SORCS1: variants seen among roughly 807,000 people sequenced by gnomAD.
SORCS1 encodes the protein sortilin related VPS10 domain containing receptor 1, also known as VPS10 domain-containing receptor SorCS1.
A neutral mutation model predicts 146.1 loss-of-function variants in SORCS1; 60 were observed. That is an observed-to-expected ratio of 0.41 (90% CI 0.33 to 0.51). SORCS1 has a LOEUF of 0.51. SORCS1 is among the 20% of genes least tolerant of loss of function. The pLI is 0.21. For missense variants in SORCS1, 1,352 were observed against 1,487.6 expected, an observed-to-expected ratio of 0.91 and a Z score of 1.50; for synonymous variants, 637 against 584.0, an observed-to-expected ratio of 1.09 and a Z score of -1.31.
intron 9 of SORCS1, among the ~76,000 whole-genome samples, chr10:106,688,689 C>T (rs569926592): frequency 6.6e-6 from 1 of 152,114 alleles, no homozygotes. Context: ...GGGGCTACTT[C>T]TATTGTATGC....
the SORCS1 span, among the ~76,000 whole-genome samples, chr10:107,172,091 G>C: frequency 6.6e-6 from 1 of 152,094 alleles, no homozygotes; most frequent in Non-Finnish European, 1.5e-5. Flanking sequence ...TGTTAAACTG[G>C]TATTTTATGC....
intron 3 of SORCS1, among the ~76,000 whole-genome samples, chr10:106,810,976 T>C (rs563269079): frequency 6.6e-6 from 1 of 151,640 alleles, no homozygotes; most frequent in East Asian, 1.9e-4. Flanking sequence ...AGTCTCACTC[T>C]GTCGCCCAGG....
At chr10:106,937,827 G>C (rs1953823090) in intron 2 of SORCS1, among the ~76,000 whole-genome samples, 2 of 152,004 alleles carry the variant, frequency 1.3e-5, no homozygotes, top group African/African-American at 4.8e-5. Context: ...AGCCGGACAT[G>C]GTGGCAGGTG....
chr10:106,783,302 G>A (rs1861036794), intron 3 of SORCS1, among the ~76,000 whole-genome samples: 1 of 152,196 alleles, frequency 6.6e-6, no homozygotes, highest in African/African-American at 2.4e-5. Context: ...GGCTTAGAGA[G>A]ATGAGGCAAT....
intron 3 of SORCS1, among the ~76,000 whole-genome samples, chr10:106,799,045 G>A (rs1416087813): frequency 6.6e-6 from 1 of 152,120 alleles, no homozygotes; most frequent in Non-Finnish European, 1.5e-5. Context: ...TAGATCAACG[G>A]AACAGAACAG....
At chr10:106,934,108 A>C (rs1426604311) in intron 2 of SORCS1, among the ~76,000 whole-genome samples, 2 of 151,612 alleles carry the variant, frequency 1.3e-5, no homozygotes, top group Admixed American at 6.6e-5. Flanking sequence ...AACAAAAAAA[A>C]AAAAAAAAAA....
chr10:106,977,323 A>G (rs1956070549), intron 1 of SORCS1, among the ~76,000 whole-genome samples: 2 of 152,192 alleles, frequency 1.3e-5, no homozygotes, highest in South Asian at 4.1e-4. Flanking sequence ...TTGGCCGCAT[A>G]AATGTCTTCT....
rs1197144647 is a variant in SORCS1 at position 107,063,856 on chromosome 10, GGA to G, written c.558+100111_558+100112del. Among the ~76,000 whole-genome samples the G allele has an allele frequency of 2.6e-5, 4 of 152,142 alleles. No individual in the cohort carries two copies. The East Asian group carries it at 7.7e-4, about 29-fold the overall frequency. Reference sequence around the variant, plus strand: ...TTCCCCCATATTCCCAATGAGAAATGGAGAGTTCATGACAGTAACTCTCTGGC... The same window carrying G: ...TTCCCCCATATTCCCAATGAGAAATGGAGTTCATGACAGTAACTCTCTGGC... On this transcript the variant is annotated intron_variant, in intron 1 of 25. Coordinates refer to ENST00000263054, the MANE Select transcript of SORCS1 (RefSeq NM_052918.5).
At chr10:106,815,830 G>T (rs1321087510) in intron 3 of SORCS1, among the ~76,000 whole-genome samples, 1 of 152,212 alleles carries the variant, frequency 6.6e-6, no homozygotes, top group East Asian at 1.9e-4. Context: ...TTCTGCATGT[G>T]GTTGTTAGCA....
chr10:106,999,511 G>A (rs1351842070), intron 1 of SORCS1, among the ~76,000 whole-genome samples: 1 of 152,144 alleles, frequency 6.6e-6, no homozygotes, highest in Non-Finnish European at 1.5e-5. Context: ...CTTAGTCCCT[G>A]GCCTTAAATT....
intron 18 of SORCS1, among the ~76,000 whole-genome samples, chr10:106,648,418 C>T (rs556757097): frequency 6.6e-6 from 1 of 152,276 alleles, no homozygotes; most frequent in African/African-American, 2.4e-5. Flanking sequence ...ACTACTTTAA[C>T]TCCACTTAAT....
chr10:107,100,387 G>A (rs1034189559), intron 1 of SORCS1, among the ~76,000 whole-genome samples: 1 of 151,946 alleles, frequency 6.6e-6, no homozygotes, highest in Non-Finnish European at 1.5e-5. Flanking sequence ...GGTGGCGGGC[G>A]CCTGTAGTCC....
chr10:106,760,191 TC>T (rs1175839197), intron 5 of SORCS1, among the ~76,000 whole-genome samples: 2 of 152,034 alleles, frequency 1.3e-5, no homozygotes, highest in African/African-American at 2.4e-5. Context: ...ACGCCTGTAA[TC>T]CCAGCACTTT....
intron 1 of SORCS1, among the ~76,000 whole-genome samples, chr10:106,991,224 C>A (rs1209753072): frequency 6.6e-6 from 1 of 152,214 alleles, no homozygotes. Context: ...AGTGCCTATT[C>A]AGCACGTGTT....
At chr10:106,855,268 G>A (rs533491381) in intron 2 of SORCS1, among the ~76,000 whole-genome samples, 2 of 152,178 alleles carry the variant, frequency 1.3e-5, no homozygotes, top group East Asian at 3.9e-4. Context: ...ACAGGTAGGT[G>A]TTCCCCATTC....
At chr10:106,708,041 C>T (rs1442952125) in intron 7 of SORCS1, among the ~76,000 whole-genome samples, 1 of 152,120 alleles carries the variant, frequency 6.6e-6, no homozygotes, top group Non-Finnish European at 1.5e-5. Flanking sequence ...ATTCCAAATG[C>T]AGAATTGATT....
At chr10:106,928,775 C>T (rs1031598391) in intron 2 of SORCS1, among the ~76,000 whole-genome samples, 2 of 152,064 alleles carry the variant, frequency 1.3e-5, no homozygotes, top group Admixed American at 1.3e-4. Context: ...AAAAGAAAGG[C>T]TAAAAGGTGT....
At chr10:106,710,404 C>T (rs1442977927) in intron 6 of SORCS1, among the ~76,000 whole-genome samples, 1 of 148,726 alleles carries the variant, frequency 6.7e-6, no homozygotes, top group African/African-American at 2.5e-5. Flanking sequence ...GCCAAGATCA[C>T]GCCACTGCAC....
At chr10:106,992,234 G>A (rs1167437049) in intron 1 of SORCS1, among the ~76,000 whole-genome samples, 1 of 152,030 alleles carries the variant, frequency 6.6e-6, no homozygotes, top group African/African-American at 2.4e-5. Flanking sequence ...CCTGACTTCC[G>A]TATATTCGTC....
Sources: allele counts gnomAD v4.1 joint callset (sites outside exome capture counted in the v4.1 genomes callset), GRCh38; gene constraint gnomAD v4.1.1; transcripts MANE v1.5; gene names NCBI Gene and HGNC (gene_info 2026-07-23, HGNC 2026-07-21).